Variants in RNF168 observed in about 807,000 individuals in gnomAD.
The protein encoded by RNF168 is ring finger protein 168.
In RNF168, 34 loss-of-function variants were observed where a neutral mutation model predicts 34.9. The observed-to-expected ratio is 0.97, with a 90% confidence interval of 0.74 to 1.30. The LOEUF is 1.30. RNF168 is among the 50% of genes most tolerant of loss of function. The pLI is 0.00. For missense variants in RNF168, 725 were observed against 682.5 expected, an observed-to-expected ratio of 1.06 and a Z score of -0.69; for synonymous variants, 264 against 254.7, an observed-to-expected ratio of 1.04 and a Z score of -0.35.
intron 1 of RNF168, among the ~76,000 whole-genome samples, chr3:196,498,674 TA>T (rs1235349011): frequency 6.6e-6 from 1 of 152,072 alleles, no homozygotes; most frequent in Non-Finnish European, 1.5e-5. Flanking sequence ...GGTGGAATAA[TA>T]CTTAAAAAAC....
chr3:196,478,830 C>A (rs867085091), intron 4 of RNF168, among the ~76,000 whole-genome samples: 4 of 147,588 alleles, frequency 2.7e-5, no homozygotes, highest in South Asian at 2.2e-4. Flanking sequence ...CCATGCCCAG[C>A]GAATTTTTGT....
chr3:196,492,461 T>C (rs951282945), intron 1 of RNF168, among the ~76,000 whole-genome samples: 2 of 152,070 alleles, frequency 1.3e-5, no homozygotes, highest in African/African-American at 4.8e-5. Flanking sequence ...ACACAGCTAC[T>C]GATAAAGAGA....
Position 196,503,261 on chromosome 3 carries a change from G to C in RNF168, c.-88C>G. 8.4e-7 allele frequency: 1 copy of C among 1,184,464 alleles called. No individual in the cohort carries two copies. The highest frequency in any genetic ancestry group is 1.2e-6 in the Non-Finnish European group (1 of 803,836). The allele number at this position is 1,184,464 out of a possible 1,614,324, so 73.4% of individuals were successfully genotyped here. On this transcript the variant is annotated 5_prime_UTR_variant, in exon 1 of 6. Transcript: ENST00000318037. ...GCCAACCACAGAGAGAGCAAAAGCA[G>C]TTTTGTGTTTCAGTATTATGCCCAG...
At chr3:196,501,689 T>C (rs1233267389) in intron 1 of RNF168, among the ~76,000 whole-genome samples, 1 of 152,222 alleles carries the variant, frequency 6.6e-6, no homozygotes, top group Non-Finnish European at 1.5e-5. Flanking sequence ...TTAAAAATGG[T>C]TAAAATGTCA....
chr3:196,500,260 C>T (rs1732845916), intron 1 of RNF168, among the ~76,000 whole-genome samples: 1 of 152,162 alleles, frequency 6.6e-6, no homozygotes, highest in South Asian at 2.1e-4. Flanking sequence ...AGCCAAGTGT[C>T]CACTGACAGA....
chr3:196,472,755 A>G lies in RNF168; in HGVS notation c.780T>C (p.Asp260=). The G allele has an allele frequency of 6.2e-7, 1 of 1,607,632 alleles. No individual in the cohort carries two copies. The highest frequency in any genetic ancestry group is 1.1e-5 in the South Asian group (1 of 90,972). ...DSVSKDIDSS[D]RKSPTGQDTE... is the part of the protein sequence containing the mutation. ...TGTCTTGCCCTGTTGGGCTTTTCCT[A>G]TCACTACTGTCAATGTCCTGTAGAA... The change falls in exon 6 of 6, where the codon GAT becomes GAC. Residue 260 remains aspartate, a synonymous_variant. Coordinates refer to ENST00000318037, the MANE Select transcript of RNF168 (RefSeq NM_152617.4).
chr3:196,480,534 A>G (rs558279457), intron 4 of RNF168, among the ~76,000 whole-genome samples: 74 of 152,390 alleles, frequency 4.9e-4, no homozygotes, highest in South Asian at 2.9e-3. Flanking sequence ...TTCGAATTGC[A>G]CTGACTCTAT....
intron 3 of RNF168, 98 bp from the exon 4 acceptor site, chr3:196,483,989 C>T: frequency 1.1e-6 from 1 of 928,188 alleles, no homozygotes; most frequent in Non-Finnish European, 1.8e-6. Flanking sequence ...TAGCATTTTT[C>T]AGAAATTATA....
At chr3:196,498,792 C>T (rs761244070) in intron 1 of RNF168, among the ~76,000 whole-genome samples, 2 of 151,912 alleles carry the variant, frequency 1.3e-5, no homozygotes, top group African/African-American at 2.4e-5. Flanking sequence ...GTCAGGAGTT[C>T]GACACCAGGC....
intron 1 of RNF168, among the ~76,000 whole-genome samples, chr3:196,495,089 TC>T (rs1332798562): frequency 2.0e-5 from 3 of 152,320 alleles, no homozygotes; most frequent in Admixed American, 6.5e-5. Flanking sequence ...AATTTTCAAA[TC>T]TACAGAAATT....
chr3:196,484,193 C>T (rs1240678457), intron 3 of RNF168, among the ~76,000 whole-genome samples: 13 of 25,336 alleles, frequency 5.1e-4, no homozygotes, highest in Non-Finnish European at 3.6e-4. Context: ...TTTTTTGAGA[C>T]GCAGTCTCGC....
rs753021047 is a variant in RNF168 at position 196,487,492 on chromosome 3, T to C, written c.465A>G (p.Glu155=). ...YIQRLLAEEE[E]EEKRQAEKRR... ...TTTTTTCTGCCTGTCTTTTTTCCTCTTCTTCCTCCTCTGCCAACAACCTCT... is the reference window on the plus strand; with the variant it reads ...TTTTTTCTGCCTGTCTTTTTTCCTCCTCTTCCTCCTCTGCCAACAACCTCT... The change falls in exon 3 of 6, where the codon GAA becomes GAG. Residue 155 remains glutamate (E), a synonymous_variant. Transcript: ENST00000318037. The C allele has an allele frequency of 5.6e-6, 9 of 1,614,040 alleles. No homozygotes were observed. The South Asian group carries it at 7.7e-5, about 14-fold the overall frequency.
At chr3:196,489,811 G>A (rs545352663) in intron 1 of RNF168, among the ~76,000 whole-genome samples, 3 of 152,258 alleles carry the variant, frequency 2.0e-5, no homozygotes, top group South Asian at 2.1e-4. Flanking sequence ...GTGAGTAACC[G>A]TGGGACTGAA....
rs554041803 is a variant in RNF168 at position 196,502,054 on chromosome 3, GAAAAAAAAAAAAAAAA to G, written c.301+803_301+818del. ...ATATAACTGTGACCAAAAAAAATTA[GAAAAAAAAAAAAAAAA>G]AAAAAAAAAAAGACCTGTCCACGAG... On this transcript the variant is annotated intron_variant, in intron 1 of 5. Transcript: ENST00000318037. Among the ~76,000 whole-genome samples, 6 of 50,058 alleles carry G rather than the reference GAAAAAAAAAAAAAAAA, an allele frequency of 1.2e-4. No individual in the cohort carries two copies. The East Asian group carries it at 1.9e-3, about 16-fold the overall frequency. 32.8% of individuals were successfully genotyped at this position (50,058 alleles called of 152,430 possible). A position where few individuals can be genotyped will look rare whatever the true frequency, so the allele number is the denominator to read the frequency against.
intron 1 of RNF168, among the ~76,000 whole-genome samples, chr3:196,497,188 G>A (rs973380170): frequency 9.2e-5 from 14 of 151,998 alleles, no homozygotes; most frequent in African/African-American, 3.4e-4. Flanking sequence ...CAGTAATCAA[G>A]ACAGTGTGAC....
At chr3:196,484,193 C>G (rs1240678457) in intron 3 of RNF168, among the ~76,000 whole-genome samples, 4 of 25,342 alleles carry the variant, frequency 1.6e-4, no homozygotes, top group East Asian at 8.8e-4. Flanking sequence ...TTTTTTGAGA[C>G]GCAGTCTCGC....
rs116662008 is a variant in RNF168, at chr3:196,482,861, G to A, written c.680+909C>T. Among the ~76,000 whole-genome samples the A allele has an allele frequency of 5.4e-3, 827 of 152,070 alleles. 7 individuals carry two copies. Among genetic ancestry groups the A allele is most frequent in the African/African-American group, 0.018 (745 of 41,496 alleles). ...ACAGACTTTATCTGTTTTTAATATT[G>A]TTACAACTTTAATCCATCAGTTTCT... is the stretch of plus-strand genomic sequence containing the variant. On this transcript the variant is annotated intron_variant, in intron 4 of 5. Coordinates refer to ENST00000318037, the MANE Select transcript of RNF168 (RefSeq NM_152617.4).
chr3:196,488,597 T>A lies in RNF168; in HGVS notation c.378+10A>T. 6.5e-7 allele frequency: 1 copy of A among 1,531,764 alleles called. No homozygotes were observed. Among genetic ancestry groups the A allele is most frequent in the Non-Finnish European group, 9.0e-7 (1 of 1,107,062 alleles). 94.9% of individuals were successfully genotyped at this position (1,531,764 alleles called of 1,614,324 possible). On this transcript the variant is annotated intron_variant, in intron 2 of 5. Transcript: ENST00000318037. ...AAATATTCCAAAAAAAAAAACTATT[T>A]AGCACCTACCTTGCTTATTTCCTCT...
chr3:196,498,517 G>A (rs570415686), intron 1 of RNF168, among the ~76,000 whole-genome samples: 1 of 151,996 alleles, frequency 6.6e-6, no homozygotes, highest in African/African-American at 2.4e-5. Flanking sequence ...AAAAAACCCT[G>A]AAAACATAAG....
Sources: allele counts gnomAD v4.1 joint callset (sites outside exome capture counted in the v4.1 genomes callset), GRCh38; gene constraint gnomAD v4.1.1; transcripts MANE v1.5; gene names NCBI Gene and HGNC (gene_info 2026-07-23, HGNC 2026-07-21).